The following LRRC53 variants were observed in gnomAD, a reference collection of about 807,000 sequenced individuals.
LRRC53 encodes leucine rich repeat containing 53, also known as leucine-rich repeat-containing protein 53.
LRRC53 carries 25 observed loss-of-function variants against 13.6 expected under a neutral mutation model. The observed-to-expected ratio is 1.83, with a 90% CI of 1.34 to 2.56. LRRC53 has a LOEUF of 2.56. LRRC53 is among the 30% of genes most tolerant of loss of function. The pLI, the probability that LRRC53 is intolerant of heterozygous loss-of-function variation, is 0.00. For missense variants in LRRC53, 527 were observed against 275.8 expected (o/e 1.91, Z -6.45); for synonymous variants, 204 against 109.8 (o/e 1.86, Z -5.37).
chr1:74,532,867 G>C, the LRRC53 span, among the ~76,000 whole-genome samples: 1 of 152,244 alleles, frequency 6.6e-6, no homozygotes, highest in East Asian at 1.9e-4. Context: ...GCCATATGTA[G>C]AAAGCTGAAA....
chr1:74,525,027 A>G, the LRRC53 span, among the ~76,000 whole-genome samples: 1 of 152,224 alleles, frequency 6.6e-6, no homozygotes, highest in Admixed American at 6.5e-5. Flanking sequence ...AGCATGGGCT[A>G]TGAGCTGGAC....
chr1:74,533,244 G>C, the LRRC53 span, among the ~76,000 whole-genome samples: 607 of 152,254 alleles, frequency 4.0e-3, 5 homozygotes, highest in African/African-American at 0.014. Context: ...ATCAAAAAGT[G>C]GGCAAAGGAC....
At chr1:74,519,655 CT>C in the LRRC53 span, among the ~76,000 whole-genome samples, 2,003 of 152,026 alleles carry the variant, frequency 0.013, 37 homozygotes, top group African/African-American at 0.043. Flanking sequence ...TTCTAAGAAT[CT>C]TTTTTATAAA....
At chr1:74,499,606 G>A (rs180729175) in intron 1 of LRRC53, among the ~76,000 whole-genome samples, 128 of 152,184 alleles carry the variant, frequency 8.4e-4, no homozygotes, top group African/African-American at 2.7e-3. Flanking sequence ...GGCATCCACT[G>A]GGGGTCTTGG....
Position 74,480,388 on chromosome 1 carries a change from A to G in LRRC53, c.669T>C (p.His223=), listed in dbSNP as rs1249552620. The G allele has an allele frequency of 2.8e-6, 2 of 717,560 alleles. No homozygotes were observed. Among genetic ancestry groups the G allele is most frequent in the Non-Finnish European group, 5.2e-6 (2 of 385,114 alleles). 44.4% of individuals were successfully genotyped at this position (717,560 alleles called of 1,614,324 possible). A position where few individuals can be genotyped will look rare whatever the true frequency, so the allele number is the denominator to read the frequency against. ...KNQWSCTCDL[H]PLARFLRNYI... is the part of the protein sequence containing the mutation. ...AGTTTCTTAAAAACCGAGCAAGGGGATGGAGATCACAAGTGCAGCTCCACT... is the reference window on the plus strand; with the variant it reads ...AGTTTCTTAAAAACCGAGCAAGGGGGTGGAGATCACAAGTGCAGCTCCACT... Residue 223 remains histidine, a synonymous_variant, in exon 3 of 5, where the codon CAT becomes CAC. Transcript: ENST00000294635.
intron 1 of LRRC53, among the ~76,000 whole-genome samples, chr1:74,484,413 C>T (rs746790970): frequency 6.6e-6 from 1 of 152,084 alleles, no homozygotes; most frequent in Non-Finnish European, 1.5e-5. Flanking sequence ...AGCACCTGCC[C>T]TTGTGAAGTG....
the LRRC53 span, among the ~76,000 whole-genome samples, chr1:74,523,962 C>A: frequency 0.04 from 6,053 of 152,028 alleles, 186 homozygotes; most frequent in East Asian, 0.08. Context: ...TGTGATATTC[C>A]ACTCCCTGTG....
upstream of LRRC53, among the ~76,000 whole-genome samples, chr1:74,513,524 A>G (rs116254268): frequency 1.7e-3 from 259 of 152,198 alleles, no homozygotes; most frequent in African/African-American, 6.1e-3. Flanking sequence ...TCTTCCTTTC[A>G]TTTTTCTTCT....
rs1009357403 is a variant in LRRC53 at position 74,470,413 on chromosome 1, C to T, written c.3209G>A (p.Gly1070Asp). 6 of 400,516 alleles carry T rather than the reference C, an allele frequency of 1.5e-5. No homozygotes were observed. Among genetic ancestry groups the T allele is most frequent in the Non-Finnish European group, 2.2e-5 (5 of 226,174 alleles). The allele number at this position is 400,516 out of a possible 1,614,324, so 24.8% of individuals were successfully genotyped here. The change falls in exon 5 of 5, where the codon GGC (glycine) becomes GAC (aspartate). Residue 1070 changes from glycine to aspartate, a missense_variant. Physicochemically the swap from Gly to Asp is moderately conservative, Grantham distance 94. Transcript: ENST00000294635. ...DSTNALPRNDGTEALEIKIVG... is the reference protein window; with the variant it reads ...DSTNALPRNDDTEALEIKIVG... The stretch of plus-strand genomic sequence containing the variant: ...TATTTTTATCTCTAGTGCTTCAGTG[C>T]CGTCATTTCTGGGCAATGCATTTGT...
At chr1:74,505,433 T>C (rs1669843507) in intron 1 of LRRC53, among the ~76,000 whole-genome samples, 1 of 152,180 alleles carries the variant, frequency 6.6e-6, no homozygotes, top group Admixed American at 6.5e-5. Context: ...CAATAAGAAG[T>C]GGGTGATGCT....
chr1:74,525,150 A>G, the LRRC53 span, among the ~76,000 whole-genome samples: 1 of 152,202 alleles, frequency 6.6e-6, no homozygotes, highest in Non-Finnish European at 1.5e-5. Flanking sequence ...CCTGAAAGAT[A>G]AGTAGCATTA....
intron 4 of LRRC53, 46 bp downstream of exon 4, chr1:74,475,249 A>G (rs1434660006): frequency 3.3e-6 from 2 of 615,190 alleles, no homozygotes; most frequent in East Asian, 2.7e-5. Flanking sequence ...CCCTCCTTCA[A>G]AAAGAATTAA....
chr1:74,527,603 A>T, the LRRC53 span, among the ~76,000 whole-genome samples: 1 of 152,170 alleles, frequency 6.6e-6, no homozygotes, highest in Non-Finnish European at 1.5e-5. Context: ...GAAGTTCCAG[A>T]AGGAGGTAGA....
chr1:74,528,734 G>A, the LRRC53 span, among the ~76,000 whole-genome samples: 1 of 152,196 alleles, frequency 6.6e-6, no homozygotes, highest in Admixed American at 6.5e-5. Flanking sequence ...GTATGCTCAT[G>A]CATATGCTCT....
chr1:74,499,810 T>C (rs1365032996), intron 1 of LRRC53, among the ~76,000 whole-genome samples: 2 of 152,282 alleles, frequency 1.3e-5, no homozygotes, highest in Admixed American at 1.3e-4. Context: ...ATTTAGATGT[T>C]CTTTAATATC....
At chr1:74,514,291 A>T (rs12036473), upstream of LRRC53, among the ~76,000 whole-genome samples, 56,171 of 152,102 alleles carry the variant, frequency 0.37, 11,175 homozygotes, top group East Asian at 0.71. Context: ...AATTCTATGT[A>T]TTTGTCAGAG....
intron 4 of LRRC53, among the ~76,000 whole-genome samples, 162 bp downstream of exon 4, chr1:74,475,130 ACAC>A (rs1210058069): frequency 3.3e-5 from 5 of 151,042 alleles, no homozygotes; most frequent in African/African-American, 1.2e-4. Flanking sequence ...ACACACACAC[ACAC>A]ACACACACAC....
chr1:74,475,510 A>C lies in LRRC53; in HGVS notation c.1205T>G (p.Leu402Arg). 3 of 716,722 alleles carry C rather than the reference A, an allele frequency of 4.2e-6. No homozygotes were observed. Among genetic ancestry groups the C allele is most frequent in the Non-Finnish European group, 7.8e-6 (3 of 384,728 alleles). The allele number at this position is 716,722 out of a possible 1,614,324, so 44.4% of individuals were successfully genotyped here. The change falls in exon 4 of 5, where the codon CTG becomes CGG. Residue 402 changes from leucine (L) to arginine (R), a missense_variant. Transcript: ENST00000294635. ...SATLDGSFRN[L>R]KKKDRGVGST... is the part of the protein sequence containing the mutation. ...GCCTACCCCACGGTCTTTCTTTTTC[A>C]GGTTTCTAAATGATCCGTCAAGGGT...
intron 1 of LRRC53, among the ~76,000 whole-genome samples, chr1:74,497,422 A>G (rs1038889249): frequency 6.6e-6 from 1 of 151,900 alleles, no homozygotes; most frequent in African/African-American, 2.4e-5. Flanking sequence ...CTCCATCCCT[A>G]ACTTCTTGTC....
Sources: allele counts gnomAD v4.1 joint callset (sites outside exome capture counted in the v4.1 genomes callset), GRCh38; gene constraint gnomAD v4.1.1; transcripts MANE v1.5; gene names NCBI Gene and HGNC (gene_info 2026-07-23, HGNC 2026-07-21).